The following FGD5 variants were observed in gnomAD, a reference collection of about 807,000 sequenced individuals.
FGD5 encodes the protein FYVE, RhoGEF and PH domain containing 5.
A neutral mutation model predicts 133.4 loss-of-function variants in FGD5; 28 were observed. That is an observed-to-expected ratio of 0.21 (90% CI 0.16 to 0.29). The LOEUF (loss-of-function observed/expected upper bound fraction) is 0.29, where lower values mean the gene tolerates loss of function less well. Among genes scored for constraint, FGD5 ranks in the 10% least tolerant of loss-of-function variants. The pLI, the probability that FGD5 is intolerant of heterozygous loss-of-function variation, is 1.00. For synonymous variants in FGD5, 810 were observed against 776.5 expected (o/e 1.04, Z -0.72); for missense variants, 1,858 against 1,895.2 (o/e 0.98, Z 0.36).
chr3:14,820,646 A>G lies in FGD5; in HGVS notation c.1575A>G (p.Ser525=), dbSNP rs752826081. ...AAEEVGKTLL[S]LEGKPLEASR... The stretch of plus-strand genomic sequence containing the variant: ...AGGAGGTGGGAAAGACGCTTTTGTC[A>G]TTGGAGGGGAAGCCCTTGGAAGCCA... The change falls in exon 1 of 20, where the codon TCA becomes TCG. Residue 525 remains serine, a synonymous_variant. Coordinates refer to ENST00000285046, the MANE Select transcript of FGD5 (RefSeq NM_152536.4). 5.6e-6 allele frequency: 9 copies of G among 1,602,126 alleles called. No individual in the cohort carries two copies. Among genetic ancestry groups the G allele is most frequent in the Non-Finnish European group, 7.7e-6 (9 of 1,174,806 alleles).
At chr3:14,905,644 C>A (rs985497635) in intron 9 of FGD5, among the ~76,000 whole-genome samples, 1 of 152,056 alleles carries the variant, frequency 6.6e-6, no homozygotes, top group Non-Finnish European at 1.5e-5. Flanking sequence ...TGGTTTCCAT[C>A]TCTGCCAAAA....
At chr3:14,874,261 G>C (rs2037672502) in intron 2 of FGD5, among the ~76,000 whole-genome samples, 1 of 152,180 alleles carries the variant, frequency 6.6e-6, no homozygotes, top group Non-Finnish European at 1.5e-5. Flanking sequence ...GCTCATGCCT[G>C]TGTTCCCAGC....
intron 4 of FGD5, among the ~76,000 whole-genome samples, chr3:14,886,587 A>G (rs575919094): frequency 2.0e-5 from 3 of 152,348 alleles, no homozygotes; most frequent in South Asian, 4.1e-4. Context: ...GGGTGTGGAC[A>G]CGGGGAGGGT....
At chr3:14,886,588 C>T (rs542113423) in intron 4 of FGD5, among the ~76,000 whole-genome samples, 4 of 152,332 alleles carry the variant, frequency 2.6e-5, no homozygotes, top group South Asian at 4.1e-4. Context: ...GGTGTGGACA[C>T]GGGGAGGGTG....
upstream of FGD5, among the ~76,000 whole-genome samples, chr3:14,816,999 G>A (rs980295619): frequency 3.9e-5 from 6 of 152,296 alleles, no homozygotes; most frequent in African/African-American, 7.2e-5. Context: ...GCCACCAGCC[G>A]CATGTGGCTC....
rs890240357 is a variant in FGD5, at chr3:14,913,573, C to A, written c.3405+2644C>A. Among the ~76,000 whole-genome samples, 6 of 152,216 alleles carry A rather than the reference C, an allele frequency of 3.9e-5. 1 individual carries two copies. Among genetic ancestry groups the A allele is most frequent in the Admixed American group, 1.3e-4 (2 of 15,284 alleles). On this transcript the variant is annotated intron_variant, in intron 11 of 19. Transcript: ENST00000285046. The stretch of plus-strand genomic sequence containing the variant: ...CCTCCCCGAGCCTCAGCTCCCTGAT[C>A]TTTAAAACAAGGGAAGCAGTGAGGC...
In FGD5 at chr3:14,933,251, C is replaced by A. The variant is rs1057387617; in HGVS notation, c.*84C>A. The A allele has an allele frequency of 4.7e-6, 7 of 1,479,786 alleles. No individual in the cohort carries two copies. In the Admixed American group the frequency reaches 1.3e-4, roughly 28 times the overall value. 91.7% of individuals were successfully genotyped at this position (1,479,786 alleles called of 1,614,324 possible). A position where few individuals can be genotyped will look rare whatever the true frequency, so the allele number is the denominator to read the frequency against. On this transcript the variant is annotated 3_prime_UTR_variant, in exon 20 of 20. Transcript: ENST00000285046. ...GAAGCTAAGCTGTGGCTCAACTCATCCGGACACACACCTGGATTCAGCAAT... is the reference window on the plus strand; with the variant it reads ...GAAGCTAAGCTGTGGCTCAACTCATACGGACACACACCTGGATTCAGCAAT...
intron 2 of FGD5, among the ~76,000 whole-genome samples, chr3:14,869,306 A>G (rs1162124507): frequency 1.3e-5 from 2 of 150,200 alleles, no homozygotes; most frequent in East Asian, 4.3e-4. Flanking sequence ...GACAACAACA[A>G]CAATACAAAC....
chr3:14,922,941 C>G lies in FGD5; in HGVS notation c.3808-105C>G. 1 of 1,521,888 alleles carries G rather than the reference C, an allele frequency of 6.6e-7. No individual in the cohort carries two copies. The highest frequency in any genetic ancestry group is 1.7e-5 in the Admixed American group (1 of 58,196). 94.3% of individuals were successfully genotyped at this position (1,521,888 alleles called of 1,614,324 possible). On this transcript the variant is annotated intron_variant, in intron 15 of 19. Coordinates refer to ENST00000285046, the MANE Select transcript of FGD5 (RefSeq NM_152536.4). The surrounding 1 kb of genome is among the most constrained non-coding windows in gnomAD (Gnocchi z 4.1). ...CTCCATGATCAGAACCTGGGGCTCC[C>G]TAGGGGCAGTTGTGGGTGGATTAGC...
rs576623932 is a variant in FGD5 at position 14,920,121 on chromosome 3, G to T, written c.3569+1288G>T. Among the ~76,000 whole-genome samples the T allele has an allele frequency of 2.0e-4, 30 of 152,136 alleles. No homozygotes were observed. In the South Asian group the frequency reaches 6.3e-3, roughly 32 times the overall value. ...CAGGGCAAGGTAAGCTCAAGCTCTCGGGGGCTTGGAAACCAGGGAGGTATG... is the reference window on the plus strand; with the variant it reads ...CAGGGCAAGGTAAGCTCAAGCTCTCTGGGGCTTGGAAACCAGGGAGGTATG... On this transcript the variant is annotated intron_variant, in intron 13 of 19. Transcript: ENST00000285046.
chr3:14,827,459 T>C (rs1011596431), intron 1 of FGD5, among the ~76,000 whole-genome samples: 3 of 151,954 alleles, frequency 2.0e-5, no homozygotes, highest in South Asian at 2.1e-4. Flanking sequence ...TTTTTTGTAT[T>C]TTTTAGTAGA....
intron 4 of FGD5, among the ~76,000 whole-genome samples, chr3:14,887,329 A>T (rs908647308): frequency 3.9e-5 from 6 of 152,066 alleles, no homozygotes; most frequent in African/African-American, 1.4e-4. Context: ...TATCCAGTGA[A>T]TGAGTGATGG....
At chr3:14,851,025 G>A (rs2037153134) in intron 1 of FGD5, among the ~76,000 whole-genome samples, 1 of 152,102 alleles carries the variant, frequency 6.6e-6, no homozygotes, top group African/African-American at 2.4e-5. Context: ...GGTGAGAAGG[G>A]CTTCTAGTTC....
intron 4 of FGD5, among the ~76,000 whole-genome samples, chr3:14,892,521 A>G (rs572132845): frequency 5.3e-5 from 8 of 152,216 alleles, no homozygotes; most frequent in Admixed American, 2.0e-4. Flanking sequence ...TTCCAGCAGT[A>G]GAAACTGTCC....
At chr3:14,860,585 A>G (rs1271439473) in intron 1 of FGD5, among the ~76,000 whole-genome samples, 1 of 152,240 alleles carries the variant, frequency 6.6e-6, no homozygotes, top group Non-Finnish European at 1.5e-5. Context: ...AGAAGTAACC[A>G]GGTTCATCTG....
At chr3:14,921,636 T>A (rs1325766230) in intron 13 of FGD5, among the ~76,000 whole-genome samples, 1 of 152,206 alleles carries the variant, frequency 6.6e-6, no homozygotes, top group Non-Finnish European at 1.5e-5. Flanking sequence ...GTTGACAATG[T>A]GGTTCCACGT....
At chr3:14,871,988 C>T (rs925890539) in intron 2 of FGD5, among the ~76,000 whole-genome samples, 1 of 152,216 alleles carries the variant, frequency 6.6e-6, no homozygotes, top group Non-Finnish European at 1.5e-5. Flanking sequence ...TATCCCAGGT[C>T]CCACCCCATA....
chr3:14,922,069 C>A lies in FGD5; in HGVS notation c.3669+52C>A. 6.5e-7 allele frequency: 1 copy of A among 1,532,164 alleles called. No individual in the cohort carries two copies. The highest frequency in any genetic ancestry group is 8.8e-7 in the Non-Finnish European group (1 of 1,130,780). 94.9% of individuals were successfully genotyped at this position (1,532,164 alleles called of 1,614,324 possible). A position where few individuals can be genotyped will look rare whatever the true frequency, so the allele number is the denominator to read the frequency against. On this transcript the variant is annotated intron_variant, in intron 14 of 19. Coordinates refer to ENST00000285046, the MANE Select transcript of FGD5 (RefSeq NM_152536.4). The surrounding 1 kb of genome is among the most constrained non-coding windows in gnomAD (Gnocchi z 4.1). ...CCACCAGCTTCAGAGACCTGGGGTT[C>A]CCTGGGCGGGCATTGCTGTTGCCAC...
rs369369417 is a variant in FGD5 at position 14,898,775 on chromosome 3, C to T, written c.3103C>T (p.Arg1035Trp). ...AGGAGGCAGCCAGACTGCGAAGCATCGGCTGCTGCGGGTGGTTCAACGCCT... is the reference window on the plus strand; with the variant it reads ...AGGAGGCAGCCAGACTGCGAAGCATTGGCTGCTGCGGGTGGTTCAACGCCT... ...VQGGSQTAKH[R>W]LLRVVQRLFQ... Residue 1035 changes from arginine to tryptophan, a missense_variant, in exon 7 of 20, where the codon CGG becomes TGG. Transcript: ENST00000285046. 1.2e-5 allele frequency: 19 copies of T among 1,585,782 alleles called. No individual in the cohort carries two copies. Among genetic ancestry groups the T allele is most frequent in the African/African-American group, 8.1e-5 (6 of 74,256 alleles).
Sources: gnomAD v4.1 joint callset for allele counts (sites outside exome capture counted in the v4.1 genomes callset) on GRCh38, gnomAD v4.1.1 for gene constraint, Gnocchi (gnomAD v3.1) non-coding constraint, MANE v1.5 for transcripts, NCBI Gene and HGNC (gene_info 2026-07-23, HGNC 2026-07-21) for gene names.